SYT10: variants seen among roughly 807,000 people sequenced by gnomAD.
SYT10 encodes synaptotagmin 10.
In SYT10, 31 loss-of-function variants were observed where a neutral mutation model predicts 51.1. That is an observed-to-expected ratio of 0.61 (90% CI 0.46 to 0.82). The LOEUF is 0.82. SYT10 is among the 40% of genes least tolerant of loss of function. The pLI is 0.00. For synonymous variants in SYT10, 233 were observed against 225.9 expected (o/e 1.03, Z -0.28); for missense variants, 603 against 634.0 (o/e 0.95, Z 0.53).
chr12:33,418,182 T>C (rs1407427428), intron 2 of SYT10, among the ~76,000 whole-genome samples: 5 of 152,184 alleles, frequency 3.3e-5, no homozygotes, highest in Admixed American at 2.6e-4. Context: ...ACAATCCTCA[T>C]CCCACCCGGG....
At chr12:33,409,657 G>A (rs999115994) in intron 2 of SYT10, among the ~76,000 whole-genome samples, 1 of 151,888 alleles carries the variant, frequency 6.6e-6, no homozygotes, top group Non-Finnish European at 1.5e-5. Flanking sequence ...GGGACTACAG[G>A]CGCCCCCTAC....
chr12:33,403,785 C>T (rs192056928), intron 3 of SYT10, among the ~76,000 whole-genome samples: 1,959 of 149,566 alleles, frequency 0.013, 38 homozygotes, highest in African/African-American at 0.046. Context: ...TTTCCACATA[C>T]ATCATTTTTT....
At chr12:33,430,961 T>C (rs1866592001) in intron 1 of SYT10, among the ~76,000 whole-genome samples, 1 of 152,206 alleles carries the variant, frequency 6.6e-6, no homozygotes, top group Non-Finnish European at 1.5e-5. Flanking sequence ...TGAAACAAGA[T>C]AGTTTATTTC....
intron 2 of SYT10, among the ~76,000 whole-genome samples, chr12:33,412,384 A>G (rs1047480565): frequency 6.7e-6 from 1 of 149,494 alleles, no homozygotes; most frequent in African/African-American, 2.5e-5. Flanking sequence ...TGCCATGACA[A>G]CACAGATATT....
intron 3 of SYT10, among the ~76,000 whole-genome samples, chr12:33,386,313 G>A (rs557584432): frequency 2.0e-5 from 3 of 152,074 alleles, no homozygotes; most frequent in Non-Finnish European, 4.4e-5. Flanking sequence ...TAATACATTA[G>A]AACGTCACAC....
At position 33,423,303 on chromosome 12, in the gene SYT10, AGT is replaced by A. The variant is rs139986432; in HGVS notation, c.509+2833_509+2834del. Among the ~76,000 whole-genome samples, 126 of 149,504 alleles carry A rather than the reference AGT, an allele frequency of 8.4e-4. 2 individuals carry two copies. The highest frequency in any genetic ancestry group is 4.5e-3 in the Admixed American group (67 of 14,942). On this transcript the variant is annotated intron_variant, in intron 2 of 6. Coordinates refer to ENST00000228567, the MANE Select transcript of SYT10 (RefSeq NM_198992.4). ...GAAACAAAGTATTAAAGTTAAATTC[AGT>A]GTGTGTGTGTGTGTGTGCATCTGTG... is the stretch of plus-strand genomic sequence containing the variant.
chr12:33,425,094 AT>A (rs1866539146), intron 2 of SYT10, among the ~76,000 whole-genome samples: 1 of 152,148 alleles, frequency 6.6e-6, no homozygotes, highest in Non-Finnish European at 1.5e-5. Flanking sequence ...TAGCCTTTCA[AT>A]TCTAGTAACC....
rs1866426068 is a variant in SYT10, at chr12:33,413,515, T to G, written c.510-6159A>C. Among the ~76,000 whole-genome samples the G allele has an allele frequency of 3.3e-5, 5 of 152,046 alleles. No individual in the cohort carries two copies. In the South Asian group the frequency reaches 1.0e-3, roughly 32 times the overall value. On this transcript the variant is annotated intron_variant, in intron 2 of 6. Coordinates refer to ENST00000228567, the MANE Select transcript of SYT10 (RefSeq NM_198992.4). ...AGAAACTCTACAAGCCAGAAGAGAGTGGGGGCCAATATTCAACATTCTTAA... is the reference window on the plus strand; with the variant it reads ...AGAAACTCTACAAGCCAGAAGAGAGGGGGGGCCAATATTCAACATTCTTAA...
chr12:33,424,969 G>C (rs1013065920), intron 2 of SYT10, among the ~76,000 whole-genome samples: 2 of 151,920 alleles, frequency 1.3e-5, no homozygotes, highest in African/African-American at 4.8e-5. Flanking sequence ...TTATCTCAAA[G>C]TTCCTTATCT....
intron 3 of SYT10, among the ~76,000 whole-genome samples, chr12:33,390,036 G>A (rs1866190038): frequency 6.6e-6 from 1 of 152,180 alleles, no homozygotes. Flanking sequence ...TTATTTTCCA[G>A]CTCTAAAATT....
chr12:33,412,872 G>A lies in SYT10; in HGVS notation c.510-5516C>T, dbSNP rs576719652. ...GAATTGAGAGAAGAAGGCTTCAGAC[G>A]ATCAAACTTCTCCTGGCTAAAGGAG... On this transcript the variant is annotated intron_variant, in intron 2 of 6. Coordinates refer to ENST00000228567, the MANE Select transcript of SYT10 (RefSeq NM_198992.4). 4.6e-5 allele frequency among the ~76,000 whole-genome samples: 7 copies of A among 152,130 alleles called. No individual in the cohort carries two copies. The Middle Eastern group carries it at 0.02, about 444-fold the overall frequency.
Position 33,428,836 on chromosome 12 carries a change from G to A in SYT10, c.152-2341C>T, listed in dbSNP as rs1473777270. On this transcript the variant is annotated intron_variant, in intron 1 of 6. Transcript: ENST00000228567. Reference sequence around the variant, plus strand: ...CAGGAGAATGGCGTGAGCCCGGGACGTGGAGCTTGCAGTGAGCCGAGGTTG... The same window carrying A: ...CAGGAGAATGGCGTGAGCCCGGGACATGGAGCTTGCAGTGAGCCGAGGTTG... 7.9e-5 allele frequency among the ~76,000 whole-genome samples: 12 copies of A among 151,706 alleles called. 1 individual carries two copies.
At chr12:33,426,643 G>C (rs1245486667) in intron 1 of SYT10, 148 bp from the exon 2 acceptor site, 3 of 794,374 alleles carry the variant, frequency 3.8e-6, no homozygotes, top group Non-Finnish European at 5.6e-6. Flanking sequence ...GGAAGAAAAG[G>C]TTAATAATCA....
At chr12:33,434,001 T>C (rs546920180) in intron 1 of SYT10, among the ~76,000 whole-genome samples, 2 of 152,314 alleles carry the variant, frequency 1.3e-5, no homozygotes, top group Admixed American at 6.5e-5. Context: ...TGCAAAGTGA[T>C]GATTCCTACT....
At chr12:33,437,065 T>C (rs1355946496) in intron 1 of SYT10, among the ~76,000 whole-genome samples, 1 of 152,160 alleles carries the variant, frequency 6.6e-6, no homozygotes, top group Non-Finnish European at 1.5e-5. Flanking sequence ...TGGCAAACAA[T>C]CTTTAAATCC....
At chr12:33,406,625 AG>A (rs1228320387) in intron 3 of SYT10, among the ~76,000 whole-genome samples, 163 bp downstream of exon 3, 1 of 152,190 alleles carries the variant, frequency 6.6e-6, no homozygotes, top group East Asian at 1.9e-4. Flanking sequence ...ATTCAGCATT[AG>A]GTGCCTGAAT....
intron 3 of SYT10, among the ~76,000 whole-genome samples, chr12:33,399,242 A>G (rs1373020670): frequency 6.6e-6 from 1 of 152,186 alleles, no homozygotes; most frequent in Non-Finnish European, 1.5e-5. Flanking sequence ...CCTTCCAATG[A>G]GTCTATCACT....
chr12:33,435,839 T>C (rs1182700088), intron 1 of SYT10, among the ~76,000 whole-genome samples: 1 of 152,200 alleles, frequency 6.6e-6, no homozygotes, highest in African/African-American at 2.4e-5. Flanking sequence ...GTCAGTTAAG[T>C]ACTTTAATAA....
At chr12:33,405,112 A>T (rs1866341658) in intron 3 of SYT10, 1 of 152,154 alleles carries the variant, frequency 6.6e-6, no homozygotes, top group South Asian at 2.1e-4. Flanking sequence ...TATGTACATA[A>T]CATACTTTAC....
Sources: allele counts gnomAD v4.1 joint callset (sites outside exome capture counted in the v4.1 genomes callset), GRCh38; gene constraint gnomAD v4.1.1; transcripts MANE v1.5; gene names NCBI Gene and HGNC (gene_info 2026-07-23, HGNC 2026-07-21).